Variants in LMX1A observed in about 807,000 individuals in gnomAD.
LMX1A encodes LIM homeobox transcription factor 1 alpha, also known as LIM homeobox transcription factor 1-alpha.
A neutral mutation model predicts 49.1 loss-of-function variants in LMX1A; 15 were observed. That is an observed-to-expected ratio of 0.31 (90% CI 0.20 to 0.47). LMX1A has a LOEUF of 0.47. Ranked by LOEUF, LMX1A falls within the 20% of genes least tolerant of loss-of-function variation. The probability of loss-of-function intolerance (pLI) is 1.00; values close to 1 mark genes in which losing one functional copy is unlikely to be tolerated. For synonymous variants in LMX1A, 167 were observed against 185.7 expected (o/e 0.90, Z 0.82); for missense variants, 372 against 475.8 (o/e 0.78, Z 2.03).
chr1:165,241,956 AT>A (rs145998868), intron 4 of LMX1A, among the ~76,000 whole-genome samples: 1 of 152,338 alleles, frequency 6.6e-6, no homozygotes, highest in African/African-American at 2.4e-5. Flanking sequence ...AAAACATCCT[AT>A]ATCCCACAGA....
intron 3 of LMX1A, among the ~76,000 whole-genome samples, chr1:165,289,455 C>T (rs2101713563): frequency 6.6e-6 from 1 of 152,320 alleles, no homozygotes; most frequent in East Asian, 1.9e-4. Flanking sequence ...TAAACTCCCT[C>T]TAAAGAAGGG....
rs187238710 is a variant in LMX1A, at chr1:165,212,115, G to C, written c.670-1339C>G. On this transcript the variant is annotated intron_variant, in intron 5 of 8. Coordinates refer to ENST00000342310, the MANE Select transcript of LMX1A (RefSeq NM_177398.4). ...ATAAGGAGCTGCAAGGGCAGAAAAA[G>C]TGAGTCTGCAGCTGAATCTTTCCAA... 8.4e-4 allele frequency among the ~76,000 whole-genome samples: 128 copies of C among 152,366 alleles called. 2 individuals are homozygous for C. In the East Asian group the frequency reaches 0.02, roughly 24 times the overall value.
intron 4 of LMX1A, among the ~76,000 whole-genome samples, chr1:165,246,297 A>C (rs1652846701): frequency 6.6e-6 from 1 of 152,200 alleles, no homozygotes; most frequent in African/African-American, 2.4e-5. Flanking sequence ...AGAAAATTTT[A>C]TGATACAAGA....
intron 3 of LMX1A, among the ~76,000 whole-genome samples, chr1:165,267,381 A>G (rs1279213621): frequency 2.0e-5 from 3 of 152,218 alleles, no homozygotes; most frequent in Admixed American, 2.0e-4. Context: ...TTATGGCTAA[A>G]TAATATTCCA....
intron 3 of LMX1A, among the ~76,000 whole-genome samples, chr1:165,293,757 A>G (rs1449621833): frequency 6.6e-6 from 1 of 152,162 alleles, no homozygotes; most frequent in East Asian, 1.9e-4. Context: ...CTGTGTCTTC[A>G]TAGAGTGGAA....
chr1:165,283,814 A>C (rs915314520), intron 3 of LMX1A, among the ~76,000 whole-genome samples: 24 of 152,162 alleles, frequency 1.6e-4, no homozygotes, highest in African/African-American at 5.6e-4. Context: ...AAACACAAAC[A>C]TTCAGTTTTT....
intron 3 of LMX1A, among the ~76,000 whole-genome samples, chr1:165,318,769 G>T (rs529152081): frequency 3.3e-5 from 5 of 152,198 alleles, no homozygotes; most frequent in Admixed American, 3.3e-4. Flanking sequence ...TCTTCCTGTG[G>T]CCCTGAGAAT....
At chr1:165,274,692 C>T (rs1230594294) in intron 3 of LMX1A, among the ~76,000 whole-genome samples, 1 of 152,188 alleles carries the variant, frequency 6.6e-6, no homozygotes, top group Non-Finnish European at 1.5e-5. Flanking sequence ...CTCAGGGCTG[C>T]TATGTCCCTT....
chr1:165,205,928 G>A lies in LMX1A; in HGVS notation c.924C>T (p.Ser308=), dbSNP rs1382679409. The part of the protein sequence containing the change: ...QLLAIEQSVY[S]SDPFRQGLTP... ...TGAGACCCTGTCGGAAGGGATCTGA[G>A]CTGTAGACACTCTGCTCGATGGCCA... The change falls in exon 8 of 9, where the codon AGC becomes AGT. Residue 308 remains serine, a synonymous_variant. Transcript: ENST00000342310. 1 of 1,614,122 alleles carries A rather than the reference G, an allele frequency of 6.2e-7. No homozygotes were observed. The highest frequency in any genetic ancestry group is 1.7e-5 in the Admixed American group (1 of 60,018).
intron 3 of LMX1A, among the ~76,000 whole-genome samples, chr1:165,327,049 A>C (rs2101749119): frequency 6.6e-6 from 1 of 152,272 alleles, no homozygotes; most frequent in East Asian, 1.9e-4. Flanking sequence ...TTACCTTGAA[A>C]TTTCCTTGAT....
At chr1:165,335,600 C>T (rs1055266212) in intron 3 of LMX1A, among the ~76,000 whole-genome samples, 8 of 152,108 alleles carry the variant, frequency 5.3e-5, no homozygotes, top group Non-Finnish European at 8.8e-5. Flanking sequence ...CAGTTACCAA[C>T]AAATGATCAC....
intron 3 of LMX1A, among the ~76,000 whole-genome samples, chr1:165,261,457 A>G (rs957363395): frequency 2.4e-4 from 37 of 152,180 alleles, no homozygotes; most frequent in African/African-American, 8.9e-4. Context: ...AAATGGTGCA[A>G]TGCTGTGGAA....
chr1:165,222,084 C>T (rs550934825), intron 4 of LMX1A, among the ~76,000 whole-genome samples: 2 of 152,228 alleles, frequency 1.3e-5, no homozygotes, highest in African/African-American at 4.8e-5. Flanking sequence ...CTGCATGTAC[C>T]TACACATAGA....
chr1:165,214,330 C>T (rs147478030), intron 4 of LMX1A, among the ~76,000 whole-genome samples: 11 of 152,318 alleles, frequency 7.2e-5, no homozygotes, highest in African/African-American at 2.6e-4. Flanking sequence ...ATTGAAAGCT[C>T]CCTGAGGCTT....
chr1:165,297,771 C>T (rs56121373), intron 3 of LMX1A, among the ~76,000 whole-genome samples: 3,651 of 152,276 alleles, frequency 0.024, 140 homozygotes, highest in African/African-American at 0.077. Flanking sequence ...GAAGAAGGCT[C>T]ACTCTACTGA....
chr1:165,318,472 A>ATT (rs11440497), intron 3 of LMX1A, among the ~76,000 whole-genome samples: 3 of 151,390 alleles, frequency 2.0e-5, no homozygotes, highest in Non-Finnish European at 4.4e-5. Context: ...GCATTATATA[A>ATT]TTTTTTTTTC....
chr1:165,288,870 A>C (rs895164333), intron 3 of LMX1A, among the ~76,000 whole-genome samples: 1 of 152,208 alleles, frequency 6.6e-6, no homozygotes, highest in African/African-American at 2.4e-5. Context: ...ATTTGAAGCA[A>C]ACAGTCTCAG....
At chr1:165,229,108 T>C (rs1652152010) in intron 4 of LMX1A, among the ~76,000 whole-genome samples, 1 of 152,158 alleles carries the variant, frequency 6.6e-6, no homozygotes, top group Non-Finnish European at 1.5e-5. Context: ...ATGTCATTAT[T>C]TTATGGACCA....
intron 4 of LMX1A, among the ~76,000 whole-genome samples, chr1:165,244,013 A>T (rs531414949): frequency 4.6e-5 from 7 of 152,112 alleles, no homozygotes; most frequent in Admixed American, 2.0e-4. Context: ...CTAATCCTTC[A>T]CCTCTGGGGA....
Sources: allele counts gnomAD v4.1 joint callset (sites outside exome capture counted in the v4.1 genomes callset), GRCh38; gene constraint gnomAD v4.1.1; transcripts MANE v1.5; gene names NCBI Gene and HGNC (gene_info 2026-07-23, HGNC 2026-07-21).